HECW1: variants seen among roughly 807,000 people sequenced by gnomAD.
HECW1 encodes E3 ubiquitin-protein ligase HECW1.
Under a neutral mutation model 182.3 loss-of-function variants are expected in HECW1, and 61 were observed. The ratio of observed to expected loss-of-function variants is 0.33; its 90% CI spans 0.27 to 0.41. The LOEUF (loss-of-function observed/expected upper bound fraction) is 0.41. Ranked by LOEUF, HECW1 falls within the 10% of genes least tolerant of loss-of-function variation. The probability of loss-of-function intolerance (pLI) is 1.00; values close to 1 mark genes in which losing one functional copy is unlikely to be tolerated. For synonymous variants in HECW1, 859 were observed against 832.6 expected, an observed-to-expected ratio of 1.03 and a Z score of -0.55; for missense variants, 1,739 against 2,108.9, an observed-to-expected ratio of 0.82 and a Z score of 3.44.
At chr7:43,139,744 C>T (rs1326905872) in intron 2 of HECW1, among the ~76,000 whole-genome samples, 2 of 151,828 alleles carry the variant, frequency 1.3e-5, no homozygotes, top group Non-Finnish European at 2.9e-5. Context: ...TTTCTTAATC[C>T]AAGTTTGGTT....
intron 6 of HECW1, among the ~76,000 whole-genome samples, chr7:43,367,973 T>C (rs2152817490): frequency 6.6e-6 from 1 of 152,292 alleles, no homozygotes; most frequent in Non-Finnish European, 1.5e-5. Context: ...ACCTCTCCAG[T>C]CCATGCAACA....
intron 29 of HECW1, among the ~76,000 whole-genome samples, chr7:43,561,015 A>T (rs2082191388): frequency 6.6e-6 from 1 of 152,248 alleles, no homozygotes; most frequent in Non-Finnish European, 1.5e-5. Flanking sequence ...AACTTCTGGC[A>T]GGGAGCAGCT....
intron 19 of HECW1, among the ~76,000 whole-genome samples, chr7:43,496,853 G>A (rs567866471): frequency 1.1e-4 from 17 of 152,172 alleles, no homozygotes; most frequent in Non-Finnish European, 2.2e-4. Context: ...TATCTTCAAG[G>A]GGCATGGAGG....
intron 7 of HECW1, 91 bp downstream of exon 7, chr7:43,396,980 GT>G: frequency 1.1e-6 from 1 of 929,698 alleles, no homozygotes; most frequent in African/African-American, 1.6e-5. Flanking sequence ...TTACCTACAA[GT>G]CAGTCAACCT....
At chr7:43,390,550 A>C (rs1005399479) in intron 6 of HECW1, among the ~76,000 whole-genome samples, 73 of 134,676 alleles carry the variant, frequency 5.4e-4, no homozygotes, top group African/African-American at 1.9e-3. Flanking sequence ...AAAAAAAAAC[A>C]AAAAAAAAAC....
At chr7:43,333,627 T>G (rs1323981525) in intron 5 of HECW1, among the ~76,000 whole-genome samples, 1 of 152,204 alleles carries the variant, frequency 6.6e-6, no homozygotes, top group East Asian at 1.9e-4. Context: ...ATGAATGAAT[T>G]AAGCTGGTGC....
chr7:43,115,299 C>CTTTTT (rs34686016), intron 2 of HECW1, among the ~76,000 whole-genome samples: 1 of 138,188 alleles, frequency 7.2e-6, no homozygotes, highest in African/African-American at 2.7e-5. Flanking sequence ...TCAAACAGGT[C>CTTTTT]TTTTTTTTTT....
intron 13 of HECW1, among the ~76,000 whole-genome samples, chr7:43,463,259 C>T (rs2077649160): frequency 1.3e-5 from 2 of 152,226 alleles, no homozygotes; most frequent in Non-Finnish European, 2.9e-5. Flanking sequence ...CTGAGTAGAA[C>T]TGCTAGCCCA....
chr7:43,198,767 T>A (rs977654740), intron 2 of HECW1, among the ~76,000 whole-genome samples: 14 of 137,518 alleles, frequency 1.0e-4, no homozygotes, highest in Admixed American at 2.2e-4. Context: ...ATTTGCACAC[T>A]CTCTCACACA....
rs149261039 is a variant in HECW1 at position 43,205,126 on chromosome 7, C to T, written c.-31-38749C>T. Among the ~76,000 whole-genome samples the T allele has an allele frequency of 1.4e-3, 220 of 152,076 alleles. 2 individuals carry two copies. Among genetic ancestry groups the T allele is most frequent in the African/African-American group, 4.3e-3 (177 of 41,494 alleles). Reference sequence around the variant, plus strand: ...GGAAATGGAGTCTCGCACTATTGCCCGGGCTGGAGTGCAGTGGTGCGATCT... The same window carrying T: ...GGAAATGGAGTCTCGCACTATTGCCTGGGCTGGAGTGCAGTGGTGCGATCT... On this transcript the variant is annotated intron_variant, in intron 2 of 29. Coordinates refer to ENST00000395891, the MANE Select transcript of HECW1 (RefSeq NM_015052.5).
intron 2 of HECW1, among the ~76,000 whole-genome samples, chr7:43,125,277 T>C (rs1786086676): frequency 6.6e-6 from 1 of 152,100 alleles, no homozygotes; most frequent in East Asian, 1.9e-4. Context: ...AAACATTCAG[T>C]CTCTAACAGA....
chr7:43,121,321 A>G (rs540366993), intron 2 of HECW1, among the ~76,000 whole-genome samples: 57 of 152,270 alleles, frequency 3.7e-4, no homozygotes, highest in Non-Finnish European at 5.9e-5. Context: ...TGACTTTGTC[A>G]TCTTGAATGT....
chr7:43,234,135 A>G (rs1039537502), intron 2 of HECW1, among the ~76,000 whole-genome samples: 2 of 152,200 alleles, frequency 1.3e-5, no homozygotes, highest in Admixed American at 1.3e-4. Context: ...CCTGCCAGTG[A>G]CAGCTCTCTT....
chr7:43,488,829 C>T (rs911321957), intron 17 of HECW1, among the ~76,000 whole-genome samples: 3 of 152,194 alleles, frequency 2.0e-5, no homozygotes, highest in Non-Finnish European at 4.4e-5. Context: ...TTCTGTGGCT[C>T]AGGGACGCAG....
At position 43,411,330 on chromosome 7, in the gene HECW1, G is replaced by A. The variant is rs561787365; in HGVS notation, c.801+3599G>A. 3.3e-5 allele frequency among the ~76,000 whole-genome samples: 5 copies of A among 151,932 alleles called. No individual in the cohort carries two copies. In the East Asian group the frequency reaches 5.8e-4, roughly 18 times the overall value. Reference sequence around the variant, plus strand: ...TACTGACTTTTAATTTTATTTTATTGTGGTTAGAGAACATACTCTATATGA... The same window carrying A: ...TACTGACTTTTAATTTTATTTTATTATGGTTAGAGAACATACTCTATATGA... On this transcript the variant is annotated intron_variant, in intron 8 of 29. Transcript: ENST00000395891.
chr7:43,554,706 A>G lies in HECW1; in HGVS notation c.4625A>G (p.Tyr1542Cys). 2 of 1,614,150 alleles carry G rather than the reference A, an allele frequency of 1.2e-6. No individual in the cohort carries two copies. Among genetic ancestry groups the G allele is most frequent in the Non-Finnish European group, 1.7e-6 (2 of 1,180,002 alleles). The change falls in exon 29 of 30, where the codon TAC (tyrosine) becomes TGC (cysteine). Residue 1542 changes from tyrosine (Y) to cysteine (C), a missense_variant. Around this residue, in one of 5 missense-constraint regions of HECW1, gnomAD observed 420 missense variants for 595.7 expected, o/e 0.71. Coordinates refer to ENST00000395891, the MANE Select transcript of HECW1 (RefSeq NM_015052.5). The stretch of plus-strand genomic sequence containing the variant: ...GTCACGGGAACATCCAGCGTGCCCT[A>G]CGAAGGCTTCGCAGCCCTCCGTGGG... ...QFVTGTSSVPYEGFAALRGSN... is the reference protein window; with the variant it reads ...QFVTGTSSVPCEGFAALRGSN...
intron 2 of HECW1, among the ~76,000 whole-genome samples, chr7:43,199,949 G>T (rs543308402): frequency 2.0e-5 from 3 of 152,238 alleles, no homozygotes; most frequent in Admixed American, 2.0e-4. Context: ...GTATTTAGGG[G>T]CATGGTTATA....
At chr7:43,341,615 G>A (rs1813008257) in intron 5 of HECW1, among the ~76,000 whole-genome samples, 1 of 151,690 alleles carries the variant, frequency 6.6e-6, no homozygotes, top group Non-Finnish European at 1.5e-5. Context: ...GTATAAGTTA[G>A]GCAAATGTGA....
intron 28 of HECW1, among the ~76,000 whole-genome samples, chr7:43,553,688 A>AG (rs67330337): frequency 0.25 from 33,609 of 136,044 alleles, 5,704 homozygotes; most frequent in Middle Eastern, 0.38. Flanking sequence ...AAAAAAAAAA[A>AG]GTCTCTGCCT....
Sources: allele counts gnomAD v4.1 joint callset (sites outside exome capture counted in the v4.1 genomes callset), GRCh38; gene constraint gnomAD v4.1.1; regional missense constraint gnomAD v4.1.1; transcripts MANE v1.5; gene names NCBI Gene and HGNC (gene_info 2026-07-23, HGNC 2026-07-21).